The following PALLD variants were observed in gnomAD, a reference collection of about 807,000 sequenced individuals.
PALLD encodes the protein palladin, cytoskeletal associated protein, also known as palladin.
PALLD carries 61 observed loss-of-function variants against 123.5 expected under a neutral mutation model. That is an observed-to-expected ratio of 0.49 (90% CI 0.40 to 0.61). The LOEUF is 0.61. Among genes scored for constraint, PALLD ranks in the 20% least tolerant of loss-of-function variants. The pLI is 0.00. For synonymous variants in PALLD, 465 were observed against 496.4 expected, an observed-to-expected ratio of 0.94 and a Z score of 0.84; for missense variants, 1,273 against 1,377.0, an observed-to-expected ratio of 0.92 and a Z score of 1.20.
chr4:168,547,566 C>CAAAAAAAAA (rs11339394), intron 2 of PALLD, among the ~76,000 whole-genome samples: 3 of 70,928 alleles, frequency 4.2e-5, no homozygotes, highest in Non-Finnish European at 2.6e-5. Flanking sequence ...TAATAAAATA[C>CAAAAAAAAA]AAAAAAAAAA....
intron 10 of PALLD, among the ~76,000 whole-genome samples, chr4:168,865,648 A>G (rs904909): frequency 0.93 from 142,225 of 152,264 alleles, 66,517 homozygotes; most frequent in East Asian, 1. Context: ...TGTTCACCAT[A>G]TGATATAATG....
intron 15 of PALLD, among the ~76,000 whole-genome samples, chr4:168,913,169 CTCTG>C (rs997076941): frequency 4.2e-5 from 6 of 143,382 alleles, no homozygotes; most frequent in African/African-American, 1.5e-4. Flanking sequence ...CAGAGTCTTG[CTCTG>C]TCACCCAGGC....
intron 2 of PALLD, among the ~76,000 whole-genome samples, chr4:168,638,254 A>G (rs1776544260): frequency 6.6e-6 from 1 of 152,212 alleles, no homozygotes; most frequent in Non-Finnish European, 1.5e-5. Flanking sequence ...AAAGATAAGC[A>G]TCTTGCCCAA....
intron 9 of PALLD, 60 bp from the exon 10 acceptor site, chr4:168,711,521 A>G: frequency 8.6e-7 from 1 of 1,159,116 alleles, no homozygotes; most frequent in Non-Finnish European, 1.3e-6. Flanking sequence ...TGACAGTGTG[A>G]AATCACTTGT....
chr4:168,849,767 A>C (rs968219980), intron 10 of PALLD, among the ~76,000 whole-genome samples: 4 of 140,584 alleles, frequency 2.8e-5, no homozygotes, highest in Non-Finnish European at 4.7e-5. Context: ...AAAAAAAAAA[A>C]CACTGACCCT....
chr4:168,731,745 C>G (rs2150310062), intron 10 of PALLD, among the ~76,000 whole-genome samples: 1 of 152,294 alleles, frequency 6.6e-6, no homozygotes, highest in African/African-American at 2.4e-5. Flanking sequence ...ATAGAAAAAT[C>G]ACTGACCAAT....
At chr4:168,541,180 G>A (rs540621303) in intron 2 of PALLD, among the ~76,000 whole-genome samples, 27 of 152,290 alleles carry the variant, frequency 1.8e-4, no homozygotes, top group African/African-American at 6.0e-4. Context: ...AATTATTCAG[G>A]GCTCAAGATG....
chr4:168,591,876 G>C (rs958863933), intron 2 of PALLD, among the ~76,000 whole-genome samples: 1 of 152,056 alleles, frequency 6.6e-6, no homozygotes, highest in African/African-American at 2.4e-5. Context: ...GAATGAAAAG[G>C]AAATAAAAGA....
intron 2 of PALLD, among the ~76,000 whole-genome samples, chr4:168,644,208 C>T (rs751009954): frequency 6.6e-5 from 10 of 151,820 alleles, no homozygotes; most frequent in Non-Finnish European, 1.3e-4. Context: ...GTTGCCTCAG[C>T]CTCCCATGTA....
At chr4:168,819,352 TG>T (rs1742398749) in intron 10 of PALLD, among the ~76,000 whole-genome samples, 1 of 151,878 alleles carries the variant, frequency 6.6e-6, no homozygotes, top group African/African-American at 2.4e-5. Flanking sequence ...TGTGTGTGTG[TG>T]TGTGTGTGTG....
intron 10 of PALLD, among the ~76,000 whole-genome samples, chr4:168,714,854 CA>C (rs371036768): frequency 0.032 from 4,005 of 123,560 alleles, 136 homozygotes; most frequent in African/African-American, 0.1. Context: ...AGATCATTTT[CA>C]AAAAAAAAAA....
chr4:168,882,247 G>A (rs1350224284), intron 10 of PALLD, among the ~76,000 whole-genome samples: 1 of 152,190 alleles, frequency 6.6e-6, no homozygotes, highest in Non-Finnish European at 1.5e-5. Flanking sequence ...AAACGGGTAG[G>A]TGGGGACACT....
chr4:168,538,918 A>G (rs1477521131), intron 2 of PALLD, among the ~76,000 whole-genome samples: 1 of 152,110 alleles, frequency 6.6e-6, no homozygotes, highest in African/African-American at 2.4e-5. Context: ...CAAGTTTTGG[A>G]TGCTACGACT....
intron 2 of PALLD, among the ~76,000 whole-genome samples, chr4:168,591,281 G>A (rs1443901279): frequency 2.0e-5 from 3 of 152,192 alleles, no homozygotes; most frequent in African/African-American, 7.2e-5. Flanking sequence ...TTAGAGAGAT[G>A]TCAGTAATAC....
chr4:168,686,454 C>A (rs1326390434), intron 6 of PALLD, among the ~76,000 whole-genome samples: 1 of 152,158 alleles, frequency 6.6e-6, no homozygotes, highest in African/African-American at 2.4e-5. Flanking sequence ...TCAACTCCCA[C>A]TTATAAGTAA....
chr4:168,851,240 C>A (rs1203412499), intron 10 of PALLD, among the ~76,000 whole-genome samples: 1 of 152,202 alleles, frequency 6.6e-6, no homozygotes, highest in African/African-American at 2.4e-5. Context: ...TCCTCCATAC[C>A]CCCATAAATT....
chr4:168,503,649 A>C (rs1281666324), intron 1 of PALLD, among the ~76,000 whole-genome samples: 2 of 150,202 alleles, frequency 1.3e-5, no homozygotes, highest in Non-Finnish European at 3.0e-5. Context: ...TCCATCTCAA[A>C]AAAAAAAAAA....
chr4:168,787,728 G>C (rs1736945249), intron 10 of PALLD, among the ~76,000 whole-genome samples: 1 of 152,180 alleles, frequency 6.6e-6, no homozygotes, highest in Non-Finnish European at 1.5e-5. Context: ...CATTGCTTAA[G>C]AATTCAGAAG....
intron 10 of PALLD, among the ~76,000 whole-genome samples, chr4:168,715,775 C>T (rs1311352346): frequency 2.6e-5 from 4 of 152,072 alleles, no homozygotes; most frequent in African/African-American, 9.7e-5. Flanking sequence ...ACAGTGAAAC[C>T]CCATCTCTTC....
Sources: allele counts gnomAD v4.1 joint callset (sites outside exome capture counted in the v4.1 genomes callset), GRCh38; gene constraint gnomAD v4.1.1; transcripts MANE v1.5; gene names NCBI Gene and HGNC (gene_info 2026-07-23, HGNC 2026-07-21).